The following RAB9B variants were observed in gnomAD, a reference collection of about 807,000 sequenced individuals.
The protein encoded by RAB9B is RAB9B, member RAS oncogene family, also known as ras-related protein Rab-9B.
A neutral mutation model predicts 8.9 loss-of-function variants in RAB9B; 1 was observed. The observed-to-expected ratio is 0.11, with a 90% CI of 0.04 to 0.53. The LOEUF is 0.53. RAB9B is among the 20% of genes least tolerant of loss of function. RAB9B has a pLI of 0.93. For missense variants in RAB9B, 82 were observed against 152.9 expected, an observed-to-expected ratio of 0.54 and a Z score of 2.45; for synonymous variants, 63 against 57.0, an observed-to-expected ratio of 1.10 and a Z score of -0.47.
the RAB9B span, among the ~76,000 whole-genome samples, chrX:103,793,968 A>G: frequency 2.7e-5 from 3 of 112,535 alleles, no homozygotes; most frequent in Non-Finnish European, 3.8e-5. Flanking sequence ...AGCTTTGTCC[A>G]GAGCAACATT....
At chrX:103,827,703 G>A (rs2074688756) in intron 1 of RAB9B, among the ~76,000 whole-genome samples, 1 of 111,847 alleles carries the variant, frequency 8.9e-6, no homozygotes, top group African/African-American at 3.3e-5. Flanking sequence ...GTCTCATTCT[G>A]TCACCCAGGC....
rs889192997 is a variant in RAB9B at position 103,823,353 on chromosome X, G to C, written c.*1826C>G. On this transcript the variant is annotated 3_prime_UTR_variant, in exon 3 of 3. Transcript: ENST00000243298. ...AAAGTTAATTGAACAATGGTGTCAG[G>C]ATTATATCTTAATTGGAAATATTGA... The C allele has an allele frequency of 7.2e-5, 8 of 111,608 alleles. No individual in the cohort carries two copies. The highest frequency in any genetic ancestry group is 1.6e-4 in the African/African-American group (5 of 30,666). The allele number at this position is 111,608 out of a possible 1,213,427, so 9.2% of individuals were successfully genotyped here. A position where few individuals can be genotyped will look rare whatever the true frequency, so the allele number is the denominator to read the frequency against.
In RAB9B at chrX:103,823,487, G is replaced by C. The variant is rs1392424584; in HGVS notation, c.*1692C>G. On this transcript the variant is annotated 3_prime_UTR_variant, in exon 3 of 3. Coordinates refer to ENST00000243298, the MANE Select transcript of RAB9B (RefSeq NM_016370.4). ...GTAAGTAAGGCTGATTCCATACGTGGCTACAATGGAGAGTTCTAGGCTGTA... is the reference window on the plus strand; with the variant it reads ...GTAAGTAAGGCTGATTCCATACGTGCCTACAATGGAGAGTTCTAGGCTGTA... The C allele has an allele frequency of 8.9e-6, 1 of 111,876 alleles. No homozygotes were observed. The highest frequency in any genetic ancestry group is 3.8e-4 in the South Asian group (1 of 2,640). The allele number at this position is 111,876 out of a possible 1,213,427, so 9.2% of individuals were successfully genotyped here.
chrX:103,789,604 A>G, the RAB9B span, among the ~76,000 whole-genome samples: 1 of 112,085 alleles, frequency 8.9e-6, no homozygotes, highest in Non-Finnish European at 1.9e-5. Flanking sequence ...GAACAAGAAA[A>G]GTGGTATGAG....
At chrX:103,828,923 T>C (rs1404786259) in intron 1 of RAB9B, among the ~76,000 whole-genome samples, 1 of 112,063 alleles carries the variant, frequency 8.9e-6, no homozygotes, top group Non-Finnish European at 1.9e-5. Flanking sequence ...ATTCATTTAT[T>C]TTATGAACTT....
chrX:103,813,937 C>CAAGTTCT, the RAB9B span, among the ~76,000 whole-genome samples: 2 of 109,892 alleles, frequency 1.8e-5, no homozygotes, highest in Non-Finnish European at 3.8e-5. Flanking sequence ...ATTCATAAAG[C>CAAGTTCT]AAGTTCTAAG....
the RAB9B span, chrX:103,776,457 T>G: frequency 1.2e-3 from 131 of 113,198 alleles, no homozygotes; most frequent in Admixed American, 2.0e-3. Flanking sequence ...GGAAGGACTT[T>G]GGGAGCTAAT....
chrX:103,823,871 A>C lies in RAB9B; in HGVS notation c.*1308T>G, dbSNP rs1224045812. 8.9e-6 allele frequency: 1 copy of C among 112,542 alleles called. No individual in the cohort carries two copies. Among genetic ancestry groups the C allele is most frequent in the Admixed American group, 9.5e-5 (1 of 10,565 alleles). 9.3% of individuals were successfully genotyped at this position (112,542 alleles called of 1,213,427 possible). ...TCACAGAATGGTTTGAGAATTTTTA[A>C]AGTCCCTCTCCATAGTCTTAGCTGT... On this transcript the variant is annotated 3_prime_UTR_variant, in exon 3 of 3. Coordinates refer to ENST00000243298, the MANE Select transcript of RAB9B (RefSeq NM_016370.4).
At chrX:103,803,465 C>T in the RAB9B span, among the ~76,000 whole-genome samples, 1 of 112,665 alleles carries the variant, frequency 8.9e-6, no homozygotes, top group Non-Finnish European at 1.9e-5. Context: ...TGTTAAACAT[C>T]TTTTCATGTA....
At chrX:103,783,742 T>G in the RAB9B span, among the ~76,000 whole-genome samples, 2 of 111,772 alleles carry the variant, frequency 1.8e-5, no homozygotes, top group African/African-American at 6.5e-5. Context: ...TGGTACCCTA[T>G]AGAAAAGTGA....
downstream of RAB9B, among the ~76,000 whole-genome samples, chrX:103,821,143 G>A (rs1229427512): frequency 9.1e-6 from 1 of 109,948 alleles, no homozygotes; most frequent in African/African-American, 3.3e-5. Flanking sequence ...CTCTAGCCTG[G>A]GCAAAAGAGC....
At chrX:103,821,741 TTTATC>T (rs1204443448), downstream of RAB9B, among the ~76,000 whole-genome samples, 8 of 111,854 alleles carry the variant, frequency 7.2e-5, no homozygotes, top group African/African-American at 2.3e-4. Context: ...TGGTTTAACA[TTTATC>T]TTATTTTTTA....
At chrX:103,800,652 C>T in the RAB9B span, among the ~76,000 whole-genome samples, 1 of 111,765 alleles carries the variant, frequency 8.9e-6, no homozygotes, top group Non-Finnish European at 1.9e-5. Context: ...TCTGTATACT[C>T]CAGCCCTAAT....
At chrX:103,815,174 T>C in the RAB9B span, among the ~76,000 whole-genome samples, 1 of 112,154 alleles carries the variant, frequency 8.9e-6, no homozygotes, top group African/African-American at 3.2e-5. Context: ...CTGATGAACA[T>C]CGATGTGAAA....
the RAB9B span, among the ~76,000 whole-genome samples, chrX:103,812,914 G>A: frequency 2.8e-5 from 3 of 107,114 alleles, no homozygotes; most frequent in Non-Finnish European, 3.9e-5. Flanking sequence ...TTAACTTCTC[G>A]GTTCCTGAGT....
chrX:103,807,227 C>G, the RAB9B span, among the ~76,000 whole-genome samples: 1 of 111,900 alleles, frequency 8.9e-6, no homozygotes, highest in Non-Finnish European at 1.9e-5. Flanking sequence ...ATGAGTCATA[C>G]CTAGTTCTGT....
In RAB9B at chrX:103,823,461, TGTAA is replaced by T. The variant is rs2074670995; in HGVS notation, c.*1714_*1717del. Reference sequence around the variant, plus strand: ...GCTCTTAAAGCACAAAGGTCCTACATGTAAGTAAGGCTGATTCCATACGTGGCTA... The same window carrying T: ...GCTCTTAAAGCACAAAGGTCCTACATGTAAGGCTGATTCCATACGTGGCTA... On this transcript the variant is annotated 3_prime_UTR_variant, in exon 3 of 3. Coordinates refer to ENST00000243298, the MANE Select transcript of RAB9B (RefSeq NM_016370.4). 1 of 112,171 alleles carries T rather than the reference TGTAA, an allele frequency of 8.9e-6. No homozygotes were observed. Among genetic ancestry groups the T allele is most frequent in the African/African-American group, 3.2e-5 (1 of 30,834 alleles). The allele number at this position is 112,171 out of a possible 1,213,427, so 9.2% of individuals were successfully genotyped here.
chrX:103,821,817 G>A (rs1255408836), downstream of RAB9B, among the ~76,000 whole-genome samples: 1 of 111,247 alleles, frequency 9.0e-6, no homozygotes, highest in Non-Finnish European at 1.9e-5. Flanking sequence ...GGGCACAAGT[G>A]CAGTTTTGTT....
the RAB9B span, among the ~76,000 whole-genome samples, chrX:103,795,332 A>G: frequency 7.2e-5 from 8 of 111,880 alleles, no homozygotes; most frequent in East Asian, 1.4e-3. Context: ...GAAAAACATT[A>G]AATAGGCTTG....
Sources: gnomAD v4.1 joint callset for allele counts (sites outside exome capture counted in the v4.1 genomes callset) on GRCh38, gnomAD v4.1.1 for gene constraint, MANE v1.5 for transcripts, NCBI Gene and HGNC (gene_info 2026-07-23, HGNC 2026-07-21) for gene names.